Variants in SMCHD1 observed in about 807,000 individuals in gnomAD.
The protein encoded by SMCHD1 is structural maintenance of chromosomes flexible hinge domain-containing protein 1.
A neutral mutation model predicts 254.7 loss-of-function variants in SMCHD1; 78 were observed. The observed-to-expected ratio is 0.31, with a 90% confidence interval of 0.26 to 0.37. The LOEUF (loss-of-function observed/expected upper bound fraction) is 0.37, where lower values mean the gene tolerates loss of function less well. Among genes scored for constraint, SMCHD1 ranks in the 10% least tolerant of loss-of-function variants. The probability of loss-of-function intolerance (pLI) is 1.00; values close to 1 mark genes in which losing one functional copy is unlikely to be tolerated. For synonymous variants in SMCHD1, 766 were observed against 794.9 expected, an observed-to-expected ratio of 0.96 and a Z score of 0.61; for missense variants, 1,840 against 2,408.1, an observed-to-expected ratio of 0.76 and a Z score of 4.94.
At chr18:2,668,310 A>G (rs768578474) in intron 3 of SMCHD1, among the ~76,000 whole-genome samples, 4 of 152,250 alleles carry the variant, frequency 2.6e-5, no homozygotes, top group South Asian at 4.1e-4. Context: ...TGTCATTACT[A>G]TTGGCTACAG....
intron 3 of SMCHD1, among the ~76,000 whole-genome samples, chr18:2,670,528 T>C (rs2073564913): frequency 6.6e-6 from 1 of 152,214 alleles, no homozygotes; most frequent in Non-Finnish European, 1.5e-5. Context: ...TCCATTAGAA[T>C]GTTAAATCCC....
chr18:2,797,435 G>A (rs2076282727), intron 47 of SMCHD1, among the ~76,000 whole-genome samples: 1 of 152,168 alleles, frequency 6.6e-6, no homozygotes, highest in African/African-American at 2.4e-5. Context: ...AACCGTAGAG[G>A]AATTCCCTTG....
intron 1 of SMCHD1, among the ~76,000 whole-genome samples, chr18:2,661,689 G>T (rs908679459): frequency 7.2e-5 from 11 of 152,180 alleles, no homozygotes; most frequent in Non-Finnish European, 1.5e-4. Context: ...CAATTAGATG[G>T]TCAGGAGCGA....
chr18:2,688,011 C>G (rs2074091280), intron 5 of SMCHD1, among the ~76,000 whole-genome samples: 1 of 152,182 alleles, frequency 6.6e-6, no homozygotes, highest in Non-Finnish European at 1.5e-5. Context: ...TGAGACTCTC[C>G]TTTGCTCTAA....
intron 1 of SMCHD1, among the ~76,000 whole-genome samples, chr18:2,661,450 G>A (rs2073250297): frequency 6.6e-6 from 1 of 151,876 alleles, no homozygotes; most frequent in Admixed American, 6.6e-5. Context: ...ATATGGATTA[G>A]AAATCTGTGG....
At chr18:2,760,774 T>C in intron 35 of SMCHD1, 35 bp downstream of exon 35, 2 of 1,271,402 alleles carry the variant, frequency 1.6e-6, no homozygotes, top group Non-Finnish European at 2.3e-6. Context: ...ACAGTTAGCT[T>C]TACATTTTCT....
chr18:2,683,411 A>C (rs1382814917), intron 5 of SMCHD1, among the ~76,000 whole-genome samples: 1 of 152,192 alleles, frequency 6.6e-6, no homozygotes, highest in East Asian at 1.9e-4. Context: ...GTGTGAATTT[A>C]TAAGTGTTCC....
chr18:2,712,064 A>C (rs1225026522), intron 17 of SMCHD1, among the ~76,000 whole-genome samples: 1 of 152,108 alleles, frequency 6.6e-6, no homozygotes, highest in African/African-American at 2.4e-5. Flanking sequence ...AACCAAATAA[A>C]CATCCTTTTC....
At chr18:2,720,069 T>G (rs2074892626) in intron 19 of SMCHD1, among the ~76,000 whole-genome samples, 1 of 151,714 alleles carries the variant, frequency 6.6e-6, no homozygotes, top group Non-Finnish European at 1.5e-5. Flanking sequence ...TCAAGCCATC[T>G]TCCTGCCTCG....
chr18:2,733,570 A>T (rs1448163893), intron 25 of SMCHD1, among the ~76,000 whole-genome samples: 1 of 152,176 alleles, frequency 6.6e-6, no homozygotes, highest in African/African-American at 2.4e-5. Context: ...TTGAGGTGCA[A>T]CATTTGTTGT....
intron 17 of SMCHD1, among the ~76,000 whole-genome samples, chr18:2,717,489 A>G (rs1410653860): frequency 1.3e-5 from 2 of 152,088 alleles, no homozygotes. Flanking sequence ...TAGCCGGACC[A>G]TGCCTGGCTA....
At chr18:2,711,279 T>C (rs1387483525) in intron 17 of SMCHD1, among the ~76,000 whole-genome samples, 1 of 147,202 alleles carries the variant, frequency 6.8e-6, no homozygotes, top group Non-Finnish European at 1.5e-5. Flanking sequence ...TTTTTTTTTG[T>C]GGTGGAGACA....
intron 1 of SMCHD1, among the ~76,000 whole-genome samples, chr18:2,658,824 A>ATGTG (rs1355233401): frequency 3.3e-5 from 5 of 151,272 alleles, no homozygotes; most frequent in African/African-American, 4.9e-5. Flanking sequence ...ATACATATAT[A>ATGTG]TGTGTGTGTG....
Position 2,674,198 on chromosome 18 carries a change from G to T in SMCHD1, c.638+53G>T, listed in dbSNP as rs773696394. 4.6e-5 allele frequency: 68 copies of T among 1,468,000 alleles called. No homozygotes were observed. In the Middle Eastern group the frequency reaches 5.3e-4, roughly 12 times the overall value. The allele number at this position is 1,468,000 out of a possible 1,614,324, so 90.9% of individuals were successfully genotyped here. On this transcript the variant is annotated intron_variant, in intron 5 of 47. Coordinates refer to ENST00000320876, the MANE Select transcript of SMCHD1 (RefSeq NM_015295.3). The stretch of plus-strand genomic sequence containing the variant: ...GTGGGTAGCTATGTATTTTAGTAAG[G>T]ATAAAAAACTGGTATGCCTTTGGAT...
intron 25 of SMCHD1, among the ~76,000 whole-genome samples, chr18:2,734,113 TG>T (rs1427689621): frequency 6.6e-6 from 1 of 152,194 alleles, no homozygotes; most frequent in Admixed American, 6.5e-5. Flanking sequence ...GAACAATGCT[TG>T]TTCTAGCCAG....
rs764012354 is a variant in SMCHD1, at chr18:2,747,619, T to A, written c.3899T>A (p.Ile1300Lys). Residue 1300 changes from isoleucine (I) to lysine (K), a missense_variant, in exon 30 of 48, where the codon ATA becomes AAA. Transcript: ENST00000320876. ...CCAGCACCGGTACAACATGTTAAAA[T>A]AAGTCTTACAAAAGCTAGCAATTTA... ...DNPAPVQHVK[I>K]SLTKASNLKL... is the part of the protein sequence containing the mutation. 1 of 1,602,136 alleles carries A rather than the reference T, an allele frequency of 6.2e-7. No individual in the cohort carries two copies.
intron 5 of SMCHD1, among the ~76,000 whole-genome samples, chr18:2,684,093 C>G (rs1437917651): frequency 6.6e-6 from 1 of 151,946 alleles, no homozygotes; most frequent in Non-Finnish European, 1.5e-5. Flanking sequence ...TTTTGAAAGT[C>G]AAGCTCAAAC....
chr18:2,784,715 T>A, intron 45 of SMCHD1, 94 bp downstream of exon 45: 1 of 1,313,562 alleles, frequency 7.6e-7, no homozygotes, highest in Non-Finnish European at 1.0e-6. Flanking sequence ...CATGAAAAAT[T>A]AACAAATGTA....
intron 44 of SMCHD1, 41 bp from the exon 45 acceptor site, chr18:2,784,409 A>G (rs2076207500): frequency 3.5e-6 from 3 of 863,336 alleles, no homozygotes; most frequent in Non-Finnish European, 4.6e-6. Context: ...GAGCAGTTGA[A>G]ATAAGTTGCT....
Sources: gnomAD v4.1 joint callset for allele counts (sites outside exome capture counted in the v4.1 genomes callset) on GRCh38, gnomAD v4.1.1 for gene constraint, MANE v1.5 for transcripts, NCBI Gene and HGNC (gene_info 2026-07-23, HGNC 2026-07-21) for gene names.